GRIA3: variants seen among roughly 807,000 people sequenced by gnomAD.
The protein encoded by GRIA3 is glutamate ionotropic receptor AMPA type subunit 3.
In GRIA3, 3 loss-of-function variants were observed where a neutral mutation model predicts 63.0. The observed-to-expected ratio is 0.05, with a 90% CI of 0.02 to 0.12. The LOEUF is 0.12. Among genes scored for constraint, GRIA3 ranks in the 10% least tolerant of loss-of-function variants. GRIA3 has a pLI of 1.00. For missense variants in GRIA3, 347 were observed against 700.9 expected (o/e 0.50, Z 5.70); for synonymous variants, 274 against 257.9 (o/e 1.06, Z -0.60).
chrX:123,382,321 A>G (rs1199041197), intron 5 of GRIA3, among the ~76,000 whole-genome samples: 4 of 111,173 alleles, frequency 3.6e-5, no homozygotes, highest in South Asian at 3.8e-4. Context: ...GCTAAAAAAA[A>G]AGCAGGTTGT....
At chrX:123,262,918 A>T (rs2044468320) in intron 3 of GRIA3, among the ~76,000 whole-genome samples, 1 of 111,373 alleles carries the variant, frequency 9.0e-6, no homozygotes, top group Non-Finnish European at 1.9e-5. Flanking sequence ...ATTCCCATCA[A>T]TGCTCCCAAA....
intron 2 of GRIA3, among the ~76,000 whole-genome samples, chrX:123,233,966 G>C (rs1415046542): frequency 5.4e-5 from 6 of 111,650 alleles, no homozygotes; most frequent in African/African-American, 2.0e-4. Flanking sequence ...AAATGCTACA[G>C]TAAAATTAAG....
chrX:123,259,396 CCTCT>C (rs757203891), intron 3 of GRIA3, among the ~76,000 whole-genome samples: 4 of 109,234 alleles, frequency 3.7e-5, no homozygotes, highest in Non-Finnish European at 7.6e-5. Flanking sequence ...GCACAAAATA[CCTCT>C]CTCTCTCTCC....
intron 12 of GRIA3, among the ~76,000 whole-genome samples, chrX:123,461,120 A>T (rs1226340584): frequency 1.8e-5 from 2 of 112,329 alleles, no homozygotes; most frequent in Admixed American, 9.4e-5. Flanking sequence ...TTTTACCTGA[A>T]CTTCTGATAT....
chrX:123,353,001 C>CCT (rs758735605), intron 4 of GRIA3, among the ~76,000 whole-genome samples: 9 of 92,790 alleles, frequency 9.7e-5, no homozygotes, highest in Admixed American at 1.3e-4. Context: ...GCTCTCTTGT[C>CCT]CTCTCTCTCT....
intron 11 of GRIA3, among the ~76,000 whole-genome samples, chrX:123,421,619 A>C (rs889664865): frequency 8.9e-6 from 1 of 112,187 alleles, no homozygotes; most frequent in Non-Finnish European, 1.9e-5. Context: ...ACCACATTTT[A>C]AAGTAGAATT....
At chrX:123,450,850 G>GAC (rs2045726231) in intron 12 of GRIA3, among the ~76,000 whole-genome samples, 1 of 112,268 alleles carries the variant, frequency 8.9e-6, no homozygotes, top group Non-Finnish European at 1.9e-5. Flanking sequence ...CATTTGATCA[G>GAC]ACACCCTGAA....
chrX:123,191,623 C>T (rs1244803663), intron 2 of GRIA3, among the ~76,000 whole-genome samples: 1 of 111,274 alleles, frequency 9.0e-6, no homozygotes, highest in Non-Finnish European at 1.9e-5. Context: ...TGGTCTCTGC[C>T]TACTCACTGA....
intron 3 of GRIA3, among the ~76,000 whole-genome samples, chrX:123,256,631 G>A (rs752632585): frequency 1.8e-5 from 2 of 112,300 alleles, no homozygotes; most frequent in Admixed American, 1.9e-4. Context: ...GCAGACTGTA[G>A]AGGTAGACAA....
In GRIA3 at chrX:123,185,390, G is replaced by A. The variant is rs1382306913; in HGVS notation, c.110-442G>A. On this transcript the variant is annotated intron_variant, in intron 1 of 15. Transcript: ENST00000620443. The stretch of plus-strand genomic sequence containing the variant: ...GAACCAACCCCCTGTATTGTCACGG[G>A]GGAGGGTGGCTATGGGGAACGGGTT... 2.7e-5 allele frequency among the ~76,000 whole-genome samples: 3 copies of A among 109,734 alleles called. No homozygotes were observed. The East Asian group carries it at 8.6e-4, about 32-fold the overall frequency.
intron 2 of GRIA3, 47 bp downstream of exon 2, chrX:123,186,037 T>C (rs1927264198): frequency 2.8e-6 from 3 of 1,081,094 alleles, no homozygotes; most frequent in African/African-American, 1.8e-5. Context: ...GGGACCTCAT[T>C]TGCATCTTTC....
chrX:123,383,135 C>A (rs2045334073), intron 5 of GRIA3, among the ~76,000 whole-genome samples: 1 of 111,913 alleles, frequency 8.9e-6, no homozygotes, highest in African/African-American at 3.2e-5. Flanking sequence ...TGAATTAAAG[C>A]TATTCATTAA....
Position 123,462,724 on chromosome X carries a change from G to A in GRIA3, c.2077-2141G>A, listed in dbSNP as rs142001351. ...GCCCCAAGAAAGATGCAACACAGCC[G>A]GCCAAAGTCTAGAGAAGAGCAACTA... On this transcript the variant is annotated intron_variant, in intron 12 of 15. Transcript: ENST00000620443. 6.6e-4 allele frequency among the ~76,000 whole-genome samples: 74 copies of A among 111,669 alleles called. 1 individual carries two copies. In the East Asian group the frequency reaches 0.017, roughly 26 times the overall value.
At chrX:123,362,827 C>G (rs894497354) in intron 5 of GRIA3, among the ~76,000 whole-genome samples, 1 of 112,112 alleles carries the variant, frequency 8.9e-6, no homozygotes, top group South Asian at 3.7e-4. Context: ...CCCCACTGAA[C>G]TGAAGTGCCA....
At chrX:123,406,188 T>C (rs747175869) in intron 10 of GRIA3, among the ~76,000 whole-genome samples, 143 of 112,704 alleles carry the variant, frequency 1.3e-3, no homozygotes, top group Non-Finnish European at 1.9e-3. Context: ...AAACTGCCCA[T>C]GCAGTAAACC....
chrX:123,237,891 C>T (rs1481229505), intron 2 of GRIA3, among the ~76,000 whole-genome samples: 5 of 111,917 alleles, frequency 4.5e-5, no homozygotes. Context: ...TACTTTCAAG[C>T]CACTGAAGGA....
chrX:123,286,502 C>T (rs752607622), intron 3 of GRIA3, among the ~76,000 whole-genome samples: 3 of 110,842 alleles, frequency 2.7e-5, no homozygotes, highest in East Asian at 5.7e-4. Context: ...AAAAGATTAA[C>T]GAAATAGACC....
At chrX:123,318,547 A>C (rs2044847586) in intron 3 of GRIA3, among the ~76,000 whole-genome samples, 1 of 111,897 alleles carries the variant, frequency 8.9e-6, no homozygotes, top group Non-Finnish European at 1.9e-5. Context: ...CAAGGGCAAA[A>C]TGCCACCAGT....
chrX:123,455,906 G>T (rs2045758846), intron 12 of GRIA3, among the ~76,000 whole-genome samples: 1 of 112,063 alleles, frequency 8.9e-6, no homozygotes, highest in Admixed American at 9.5e-5. Flanking sequence ...AAGATAAGTA[G>T]TTGAGTCAAT....
Sources: gnomAD v4.1 joint callset for allele counts (sites outside exome capture counted in the v4.1 genomes callset) on GRCh38, gnomAD v4.1.1 for gene constraint, MANE v1.5 for transcripts, NCBI Gene and HGNC (gene_info 2026-07-23, HGNC 2026-07-21) for gene names.